Variants in SPIC observed in about 807,000 individuals in gnomAD.
The protein encoded by SPIC is transcription factor Spi-C.
SPIC carries 9 observed loss-of-function variants against 16.7 expected under a neutral mutation model. The observed-to-expected ratio is 0.54, with a 90% CI of 0.33 to 0.94. SPIC has a LOEUF of 0.94. Among genes scored for constraint, SPIC ranks in the 40% least tolerant of loss-of-function variants. The pLI is 0.03. For synonymous variants in SPIC, 97 were observed against 102.9 expected, an observed-to-expected ratio of 0.94 and a Z score of 0.35; for missense variants, 241 against 285.8, an observed-to-expected ratio of 0.84 and a Z score of 1.13.
intron 1 of SPIC, among the ~76,000 whole-genome samples, chr12:101,476,301 C>A (rs551208126): frequency 4.9e-4 from 75 of 152,008 alleles, no homozygotes; most frequent in Non-Finnish European, 9.3e-4. Flanking sequence ...AAATTATAGA[C>A]GAGTTTTCTT....
intron 3 of SPIC, among the ~76,000 whole-genome samples, chr12:101,478,252 C>G (rs1873026126): frequency 6.6e-6 from 1 of 151,938 alleles, no homozygotes; most frequent in Non-Finnish European, 1.5e-5. Flanking sequence ...AGGATGTTCT[C>G]GATCTCCTGA....
At chr12:101,476,171 G>GT (rs532564917) in intron 1 of SPIC, among the ~76,000 whole-genome samples, 102 of 152,202 alleles carry the variant, frequency 6.7e-4, no homozygotes, top group Non-Finnish European at 3.5e-4. Context: ...GTTTTTGTTT[G>GT]TTTGTTCCCT....
At chr12:101,485,264 C>CT (rs1873331759) in intron 5 of SPIC, among the ~76,000 whole-genome samples, 1 of 152,222 alleles carries the variant, frequency 6.6e-6, no homozygotes, top group Admixed American at 6.5e-5. Context: ...TATTTACAGA[C>CT]TAACTCAGAA....
chr12:101,483,088 T>G (rs1416412817), intron 5 of SPIC, among the ~76,000 whole-genome samples, 188 bp downstream of exon 5: 5 of 145,324 alleles, frequency 3.4e-5, no homozygotes, highest in African/African-American at 1.0e-4. Flanking sequence ...CTTCCTGTGT[T>G]TTTTTTTTTT....
At chr12:101,484,179 T>C (rs1347380898) in intron 5 of SPIC, among the ~76,000 whole-genome samples, 1 of 150,778 alleles carries the variant, frequency 6.6e-6, no homozygotes, top group Non-Finnish European at 1.5e-5. Context: ...TACAAGTATA[T>C]GCATATCCTT....
chr12:101,480,517 T>C (rs1873154156), intron 4 of SPIC, among the ~76,000 whole-genome samples: 1 of 152,238 alleles, frequency 6.6e-6, no homozygotes. Context: ...TGTATTCTTT[T>C]AGTTGTCTTC....
At chr12:101,484,309 G>A (rs772945582) in intron 5 of SPIC, among the ~76,000 whole-genome samples, 89 of 151,182 alleles carry the variant, frequency 5.9e-4, no homozygotes, top group Non-Finnish European at 9.3e-4. Context: ...CAAGGTAGAC[G>A]GATCACCTGG....
chr12:101,486,203 A>AT, intron 5 of SPIC, 141 bp from the exon 6 acceptor site: 1 of 730,950 alleles, frequency 1.4e-6, no homozygotes, highest in South Asian at 1.9e-5. Flanking sequence ...TGATGCCATC[A>AT]TGCATTCGTA....
At position 101,484,628 on chromosome 12, in the gene SPIC, A is replaced by T. The variant is rs184701970; in HGVS notation, c.320-1716A>T. Reference sequence around the variant, plus strand: ...TCTCCGAACCTATTCTGGTTCAAGGAGGCTACCTGATTCACTTTAAAAAAT... The same window carrying T: ...TCTCCGAACCTATTCTGGTTCAAGGTGGCTACCTGATTCACTTTAAAAAAT... On this transcript the variant is annotated intron_variant, in intron 5 of 5. Coordinates refer to ENST00000551346, the MANE Select transcript of SPIC (RefSeq NM_152323.3). Among the ~76,000 whole-genome samples the T allele has an allele frequency of 1.1e-4, 16 of 151,782 alleles. No individual in the cohort carries two copies. The East Asian group carries it at 2.1e-3, about 20-fold the overall frequency.
In SPIC at chr12:101,479,257, GGAAGGAAA is replaced by G. The variant is rs777239881; in HGVS notation, c.98-321_98-314del. On this transcript the variant is annotated intron_variant, in intron 3 of 5. Transcript: ENST00000551346. ...GAAAGAAAGAAAAAGAAAGAAAGAA[GGAAGGAAA>G]GAAAGAAAGAAAGAAAGAAAAAGAA... Among the ~76,000 whole-genome samples, 117 of 87,626 alleles carry G rather than the reference GGAAGGAAA, an allele frequency of 1.3e-3. 2 individuals carry two copies. Among genetic ancestry groups the G allele is most frequent in the Middle Eastern group, 5.7e-3 (1 of 176 alleles). 57.5% of individuals were successfully genotyped at this position (87,626 alleles called of 152,430 possible).
chr12:101,483,926 G>A (rs560106755), intron 5 of SPIC, among the ~76,000 whole-genome samples: 6 of 151,882 alleles, frequency 4.0e-5, no homozygotes, highest in East Asian at 3.9e-4. Context: ...CAGCCCCCCC[G>A]AACCAAAATA....
rs1364118279 is a variant in SPIC at position 101,486,916 on chromosome 12, T to C, written c.*145T>C. On this transcript the variant is annotated 3_prime_UTR_variant, in exon 6 of 6. Coordinates refer to ENST00000551346, the MANE Select transcript of SPIC (RefSeq NM_152323.3). ...ATACTAAAGAGGAAAAAAAATTAAC[T>C]TTATTGTTGCTTTTATCAAAGAGTA... The C allele has an allele frequency of 2.0e-5, 13 of 651,328 alleles. No individual in the cohort carries two copies. The Admixed American group carries it at 2.8e-4, about 14-fold the overall frequency. 40.3% of individuals were successfully genotyped at this position (651,328 alleles called of 1,614,324 possible).
At chr12:101,479,175 A>AGAAG (rs1361381482) in intron 3 of SPIC, among the ~76,000 whole-genome samples, 2 of 51,798 alleles carry the variant, frequency 3.9e-5, no homozygotes, top group African/African-American at 1.5e-4. Context: ...AGAAAGAAAA[A>AGAAG]GAAAGAAAGA....
chr12:101,477,890 C>A (rs1397279167), intron 3 of SPIC, among the ~76,000 whole-genome samples: 1 of 152,116 alleles, frequency 6.6e-6, no homozygotes, highest in East Asian at 1.9e-4. Context: ...GGTGGCGCGA[C>A]TGTAATCCCA....
Position 101,476,837 on chromosome 12 carries a change from C to T in SPIC, c.-68C>T, listed in dbSNP as rs940045265. 23 of 1,131,284 alleles carry T rather than the reference C, an allele frequency of 2.0e-5. No homozygotes were observed. The Admixed American group carries it at 2.3e-4, about 11-fold the overall frequency. 70.1% of individuals were successfully genotyped at this position (1,131,284 alleles called of 1,614,324 possible). On this transcript the variant is annotated 5_prime_UTR_variant, in exon 2 of 6. Coordinates refer to ENST00000551346, the MANE Select transcript of SPIC (RefSeq NM_152323.3). ...TATTAAACTTTTTCAGGATTGTCAA[C>T]TTATTTTATTTTATTTTCTTCAAGC...
In SPIC at chr12:101,482,821, A is replaced by G; in HGVS notation, c.240A>G (p.Gly80=). The change falls in exon 5 of 6, where the codon GGA becomes GGG. Residue 80 remains glycine, a synonymous_variant. Coordinates refer to ENST00000551346, the MANE Select transcript of SPIC (RefSeq NM_152323.3). ...INSAADFYFE[G]NIHQSLQNIT... ...GTGCTGCGGACTTCTATTTTGAAGGAAATATTCATCAATCTCTGCAGAACA... is the reference window on the plus strand; with the variant it reads ...GTGCTGCGGACTTCTATTTTGAAGGGAATATTCATCAATCTCTGCAGAACA... The G allele has an allele frequency of 1.9e-6, 3 of 1,614,064 alleles. No individual in the cohort carries two copies. The highest frequency in any genetic ancestry group is 2.5e-6 in the Non-Finnish European group (3 of 1,180,004).
chr12:101,484,308 C>T (rs562066708), intron 5 of SPIC, among the ~76,000 whole-genome samples: 31 of 151,642 alleles, frequency 2.0e-4, no homozygotes, highest in Middle Eastern at 3.4e-3. Flanking sequence ...CCAAGGTAGA[C>T]GGATCACCTG....
intron 3 of SPIC, among the ~76,000 whole-genome samples, chr12:101,477,971 G>A (rs994666349): frequency 2.6e-5 from 4 of 151,938 alleles, no homozygotes; most frequent in South Asian, 2.1e-4. Flanking sequence ...CCGAGATGGC[G>A]CCACTGTATT....
intron 4 of SPIC, 34 bp from the exon 5 acceptor site, chr12:101,482,758 T>A: frequency 6.3e-7 from 1 of 1,577,774 alleles, no homozygotes; most frequent in Non-Finnish European, 8.6e-7. Context: ...ACAGGGAAAG[T>A]CTCACTTAAC....
Sources: allele counts gnomAD v4.1 joint callset (sites outside exome capture counted in the v4.1 genomes callset), GRCh38; gene constraint gnomAD v4.1.1; transcripts MANE v1.5; gene names NCBI Gene and HGNC (gene_info 2026-07-23, HGNC 2026-07-21).